Variants in IQSEC1 observed in about 807,000 individuals in gnomAD.
IQSEC1 encodes IQ motif and SEC7 domain-containing protein 1.
In IQSEC1, 31 loss-of-function variants were observed where a neutral mutation model predicts 91.0. The observed-to-expected ratio is 0.34, with a 90% CI of 0.26 to 0.46. The LOEUF is 0.46. IQSEC1 is among the 20% of genes least tolerant of loss of function. IQSEC1 has a pLI of 1.00. For missense variants in IQSEC1, 1,388 were observed against 1,575.6 expected, an observed-to-expected ratio of 0.88 and a Z score of 2.02; for synonymous variants, 699 against 662.6, an observed-to-expected ratio of 1.05 and a Z score of -0.84.
chr3:13,150,887 G>C (rs565617349), intron 2 of IQSEC1, among the ~76,000 whole-genome samples: 113 of 152,360 alleles, frequency 7.4e-4, no homozygotes, highest in African/African-American at 2.7e-3. Flanking sequence ...ATAGAAATTT[G>C]TGTCTCTGGC....
At chr3:13,092,239 G>A (rs1364367011) in intron 2 of IQSEC1, among the ~76,000 whole-genome samples, 1 of 152,220 alleles carries the variant, frequency 6.6e-6, no homozygotes, top group East Asian at 1.9e-4. Context: ...TGAGGACACC[G>A]TATCACGGGG....
chr3:13,045,917 T>TA, intron 1 of IQSEC1, among the ~76,000 whole-genome samples: 1 of 152,278 alleles, frequency 6.6e-6, no homozygotes, highest in South Asian at 2.1e-4. Context: ...TGTGTCAAAA[T>TA]GGGGGCTGTG....
At chr3:13,253,170 T>C (rs1695227935) in intron 1 of IQSEC1, among the ~76,000 whole-genome samples, 1 of 152,228 alleles carries the variant, frequency 6.6e-6, no homozygotes, top group African/African-American at 2.4e-5. Context: ...ATTGACTCAC[T>C]TAAACCCCCA....
intron 2 of IQSEC1, among the ~76,000 whole-genome samples, chr3:13,089,499 C>T (rs903719975): frequency 2.6e-5 from 4 of 151,894 alleles, no homozygotes; most frequent in African/African-American, 9.7e-5. Flanking sequence ...GTGGGAGGAT[C>T]CCTTGAGCCC....
intron 2 of IQSEC1, among the ~76,000 whole-genome samples, chr3:13,094,601 G>T (rs1482038181): frequency 6.6e-6 from 1 of 152,148 alleles, no homozygotes; most frequent in African/African-American, 2.4e-5. Context: ...TACTGTTCGT[G>T]GATCAGCCTG....
At chr3:13,048,031 G>GTCCTGCC (rs1265408137) in intron 1 of IQSEC1, among the ~76,000 whole-genome samples, 1 of 152,140 alleles carries the variant, frequency 6.6e-6, no homozygotes, top group Non-Finnish European at 1.5e-5. Flanking sequence ...AGGAGCCTGG[G>GTCCTGCC]TCCTGCCTCC....
chr3:13,175,276 C>T (rs958814703), intron 1 of IQSEC1, among the ~76,000 whole-genome samples: 1 of 152,178 alleles, frequency 6.6e-6, no homozygotes. Flanking sequence ...GTAAAATGCA[C>T]CTCCACTCTA....
chr3:13,156,057 A>G (rs1707080816), intron 2 of IQSEC1, among the ~76,000 whole-genome samples: 1 of 67,482 alleles, frequency 1.5e-5, no homozygotes, highest in South Asian at 6.7e-4. Flanking sequence ...CGTCTCTACT[A>G]AAAATACAAA....
intron 2 of IQSEC1, among the ~76,000 whole-genome samples, chr3:13,102,453 C>A (rs1033227417): frequency 2.6e-5 from 4 of 152,014 alleles, no homozygotes; most frequent in African/African-American, 9.7e-5. Flanking sequence ...TTTCCTCACC[C>A]GTGTGGTTTG....
At chr3:13,142,770 G>T (rs1188427821) in intron 2 of IQSEC1, among the ~76,000 whole-genome samples, 1 of 152,210 alleles carries the variant, frequency 6.6e-6, no homozygotes. Context: ...TCATTTACTT[G>T]CAGTCAAGGG....
At chr3:13,117,085 G>C (rs1232525207) in intron 2 of IQSEC1, among the ~76,000 whole-genome samples, 3 of 151,054 alleles carry the variant, frequency 2.0e-5, no homozygotes, top group Non-Finnish European at 2.9e-5. Flanking sequence ...TCACATATCT[G>C]ATAAGGATCT....
intron 1 of IQSEC1, among the ~76,000 whole-genome samples, chr3:13,066,619 G>T (rs527926125): frequency 1.3e-4 from 20 of 152,344 alleles, no homozygotes; most frequent in East Asian, 5.8e-4. Context: ...ATCGTGGGAG[G>T]CCAGGAGGAC....
chr3:13,277,824 C>G (rs576839595), intron 1 of IQSEC1, among the ~76,000 whole-genome samples: 1 of 152,340 alleles, frequency 6.6e-6, no homozygotes, highest in East Asian at 1.9e-4. Context: ...CTACAGCCCC[C>G]TCCTCTTTGC....
intron 2 of IQSEC1, among the ~76,000 whole-genome samples, chr3:13,090,482 C>T (rs1349603632): frequency 6.6e-6 from 1 of 152,208 alleles, no homozygotes; most frequent in Non-Finnish European, 1.5e-5. Context: ...AGCACTCAGG[C>T]ACACCCCCAT....
chr3:13,127,107 G>A (rs1351069585), intron 2 of IQSEC1, among the ~76,000 whole-genome samples: 3 of 152,022 alleles, frequency 2.0e-5, no homozygotes, highest in East Asian at 1.9e-4. Context: ...TGGCTTATAC[G>A]TGTAAGTCTA....
intron 1 of IQSEC1, among the ~76,000 whole-genome samples, chr3:13,067,814 A>C (rs1236590922): frequency 6.6e-6 from 1 of 152,250 alleles, no homozygotes; most frequent in Non-Finnish European, 1.5e-5. Context: ...TGTGGGATTC[A>C]ACAAGATAAG....
intron 2 of IQSEC1, among the ~76,000 whole-genome samples, chr3:13,128,835 C>T (rs1206079242): frequency 6.9e-6 from 1 of 145,538 alleles, no homozygotes; most frequent in African/African-American, 2.6e-5. Context: ...CGAGATTGCA[C>T]CACTGCACTC....
At chr3:12,921,702 T>G (rs918741264) in intron 5 of IQSEC1, among the ~76,000 whole-genome samples, 1 of 152,222 alleles carries the variant, frequency 6.6e-6, no homozygotes, top group African/African-American at 2.4e-5. Context: ...CATCTGGCTG[T>G]CTGGCTTGTG....
At chr3:13,046,752 C>T (rs1704510354) in intron 1 of IQSEC1, among the ~76,000 whole-genome samples, 1 of 152,026 alleles carries the variant, frequency 6.6e-6, no homozygotes, top group African/African-American at 2.4e-5. Context: ...AAACAGGGAA[C>T]CAGTCAACCT....
Sources: allele counts gnomAD v4.1 joint callset (sites outside exome capture counted in the v4.1 genomes callset), GRCh38; gene constraint gnomAD v4.1.1; transcripts MANE v1.5; gene names NCBI Gene and HGNC (gene_info 2026-07-23, HGNC 2026-07-21).